Variants in INSR observed in about 807,000 individuals in gnomAD.
The protein encoded by INSR is IR.
Under a neutral mutation model 142.6 loss-of-function variants are expected in INSR, and 67 were observed. The ratio of observed to expected loss-of-function variants is 0.47; its 90% CI spans 0.39 to 0.58. The LOEUF (loss-of-function observed/expected upper bound fraction) is 0.58, where lower values mean the gene tolerates loss of function less well. Ranked by LOEUF, INSR falls within the 20% of genes least tolerant of loss-of-function variation. INSR has a pLI of 0.00. For synonymous variants in INSR, 756 were observed against 743.1 expected (o/e 1.02, Z -0.28); for missense variants, 1,248 against 1,833.2 (o/e 0.68, Z 5.83).
intron 9 of INSR, among the ~76,000 whole-genome samples, chr19:7,158,456 A>AG (rs1973668486): frequency 6.6e-6 from 1 of 152,114 alleles, no homozygotes; most frequent in Non-Finnish European, 1.5e-5. Flanking sequence ...AGCCGAGATC[A>AG]CGCCACTGAA....
intron 2 of INSR, among the ~76,000 whole-genome samples, chr19:7,244,362 G>A (rs1191112831): frequency 1.3e-5 from 2 of 151,960 alleles, no homozygotes; most frequent in South Asian, 2.1e-4. Flanking sequence ...GTGAAACCCC[G>A]TCTCTACTAA....
chr19:7,263,238 C>CT, intron 2 of INSR, among the ~76,000 whole-genome samples: 1 of 151,732 alleles, frequency 6.6e-6, no homozygotes, highest in Admixed American at 6.6e-5. Context: ...GAGATCACAC[C>CT]ACTGCCCCCC....
intron 9 of INSR, among the ~76,000 whole-genome samples, chr19:7,154,796 T>C (rs1159995724): frequency 6.6e-6 from 1 of 151,196 alleles, no homozygotes; most frequent in Non-Finnish European, 1.5e-5. Flanking sequence ...TGGTGGTGGG[T>C]GCCTGTAATC....
intron 1 of INSR, among the ~76,000 whole-genome samples, chr19:7,278,056 T>A (rs1196413737): frequency 1.3e-5 from 2 of 151,998 alleles, no homozygotes; most frequent in Non-Finnish European, 2.9e-5. Context: ...ACTGTGCCAC[T>A]ACACTCCAGC....
intron 17 of INSR, among the ~76,000 whole-genome samples, chr19:7,124,354 G>A (rs1322664221): frequency 1.6e-5 from 2 of 127,862 alleles, no homozygotes; most frequent in East Asian, 2.4e-4. Flanking sequence ...GGGTGACAGA[G>A]TGAGACTCCA....
At position 7,170,587 on chromosome 19, in the gene INSR, C is replaced by T. The variant is rs750676016; in HGVS notation, c.1433G>A (p.Arg478His). The T allele has an allele frequency of 3.9e-5, 63 of 1,613,522 alleles. No individual in the cohort carries two copies. The highest frequency in any genetic ancestry group is 7.7e-5 in the South Asian group (7 of 91,062). The part of the protein sequence containing the change: ...KMEEVSGTKG[R>H]QERNDIALKT... ...CAGGGCAATGTCGTTTCTCTCCTGGCGCCCCTTGGTTCCTGAAACTTCTTC... is the reference window on the plus strand; with the variant it reads ...CAGGGCAATGTCGTTTCTCTCCTGGTGCCCCTTGGTTCCTGAAACTTCTTC... The change falls in exon 6 of 22, where the codon CGC becomes CAC. Residue 478 changes from arginine (R) to histidine (H), a missense_variant. Around this residue, in one of 3 missense-constraint regions of INSR, gnomAD observed 1,069 missense variants for 1,654.0 expected, o/e 0.65. Coordinates refer to ENST00000302850, the MANE Select transcript of INSR (RefSeq NM_000208.4).
At chr19:7,185,856 AAAAGAGAGAGAGAGAC>A (rs1974414052) in intron 2 of INSR, among the ~76,000 whole-genome samples, 1 of 143,750 alleles carries the variant, frequency 7.0e-6, no homozygotes, top group East Asian at 2.0e-4. Flanking sequence ...AAAAAAAAAA[AAAAGAGAGAGAGAGAC>A]AAAGAGAGAG....
chr19:7,172,378 AC>A lies in INSR; in HGVS notation c.1179del (p.Tyr394IlefsTer2). The A allele has an allele frequency of 6.2e-7, 1 of 1,614,046 alleles. No individual in the cohort carries two copies. The highest frequency in any genetic ancestry group is 8.5e-7 in the Non-Finnish European group (1 of 1,179,978). On this transcript the variant is annotated frameshift_variant, in exon 5 of 22. Transcript: ENST00000302850. LOFTEE classifies it high-confidence loss of function. ...GCGTAGGATCGGCGGATTTTTAGATACCCTGAAATTTCTTCAATGAGGCCGA... is the reference window on the plus strand; with the variant it reads ...GCGTAGGATCGGCGGATTTTTAGATACCTGAAATTTCTTCAATGAGGCCGA... The part of the protein sequence containing the change: ...ANLGLIEEIS[G>X]YLKIRRSYAL...
chr19:7,214,297 TC>T (rs1362281831), intron 2 of INSR, among the ~76,000 whole-genome samples: 6 of 152,064 alleles, frequency 3.9e-5, no homozygotes, highest in Admixed American at 3.9e-4. Flanking sequence ...TAGTTCTTAT[TC>T]CCCCCTGTGC....
Position 7,142,895 on chromosome 19 carries a change from C to G in INSR, c.2463G>C (p.Glu821Asp). 6.2e-7 allele frequency: 1 copy of G among 1,614,138 alleles called. No homozygotes were observed. ...GLRHFTGYRIELQACNQDTPE... is the reference protein window; with the variant it reads ...GLRHFTGYRIDLQACNQDTPE... ...GGGTGTCCTGGTTGCAAGCCTGCAG[C>G]TCGATGCGATAGCCCGTGAAGTGTC... Residue 821 changes from glutamate (E) to aspartate (D), a missense_variant, in exon 12 of 22, where the codon GAG (glutamate) becomes GAC (aspartate). Coordinates refer to ENST00000302850, the MANE Select transcript of INSR (RefSeq NM_000208.4).
intron 3 of INSR, among the ~76,000 whole-genome samples, chr19:7,176,694 G>A (rs1400689971): frequency 6.6e-6 from 1 of 152,068 alleles, no homozygotes; most frequent in African/African-American, 2.4e-5. Flanking sequence ...TTTCCGCCAC[G>A]ATTGTAAGTT....
chr19:7,167,566 C>T (rs796438588), intron 7 of INSR, among the ~76,000 whole-genome samples: 55 of 139,986 alleles, frequency 3.9e-4, no homozygotes, highest in African/African-American at 1.3e-3. Context: ...CAGAGCAAGA[C>T]TCTGTCTCAA....
chr19:7,184,752 G>T, intron 2 of INSR, 115 bp from the exon 3 acceptor site: 1 of 784,786 alleles, frequency 1.3e-6, no homozygotes, highest in Non-Finnish European at 1.8e-6. Flanking sequence ...TTCTGGATCA[G>T]ACAGTGAAAG....
At chr19:7,270,352 C>CACACAA (rs903470604) in intron 1 of INSR, among the ~76,000 whole-genome samples, 3 of 144,640 alleles carry the variant, frequency 2.1e-5, no homozygotes, top group Non-Finnish European at 3.0e-5. Context: ...CACACACACA[C>CACACAA]ACACACACAC....
intron 2 of INSR, among the ~76,000 whole-genome samples, chr19:7,187,835 G>A (rs1974470085): frequency 6.6e-6 from 1 of 152,066 alleles, no homozygotes; most frequent in Non-Finnish European, 1.5e-5. Flanking sequence ...GCCTCCCAAA[G>A]TGCTGAGATT....
chr19:7,239,038 A>T (rs1976256517), intron 2 of INSR, among the ~76,000 whole-genome samples: 1 of 151,896 alleles, frequency 6.6e-6, no homozygotes. Context: ...TACAAAAAAA[A>T]AATTACAGAT....
At chr19:7,177,454 C>T (rs950602256) in intron 3 of INSR, among the ~76,000 whole-genome samples, 4 of 152,076 alleles carry the variant, frequency 2.6e-5, no homozygotes, top group Non-Finnish European at 2.9e-5. Flanking sequence ...GAACCAACTC[C>T]CTGAACTTTT....
chr19:7,228,684 C>T (rs1206341568), intron 2 of INSR, among the ~76,000 whole-genome samples: 2 of 152,186 alleles, frequency 1.3e-5, no homozygotes, highest in African/African-American at 4.8e-5. Flanking sequence ...GCTTTTAGAA[C>T]TAGTAAGCAT....
rs1244885579 is a variant in INSR at position 7,130,365 on chromosome 19, T to C, written c.2843-1411A>G. Among the ~76,000 whole-genome samples the C allele has an allele frequency of 5.9e-5, 9 of 152,268 alleles. No individual in the cohort carries two copies. In the East Asian group the frequency reaches 1.5e-3, roughly 26 times the overall value. ...GTGAGAGTGAGACACTGACCACACA[T>C]GGACAGAAAGAAGTGAACAGTAGAC... is the stretch of plus-strand genomic sequence containing the variant. On this transcript the variant is annotated intron_variant, in intron 14 of 21. Coordinates refer to ENST00000302850, the MANE Select transcript of INSR (RefSeq NM_000208.4).
Sources: gnomAD v4.1 joint callset for allele counts (sites outside exome capture counted in the v4.1 genomes callset) on GRCh38, gnomAD v4.1.1 for gene constraint, gnomAD v4.1.1 regional missense constraint, MANE v1.5 for transcripts, NCBI Gene and HGNC (gene_info 2026-07-23, HGNC 2026-07-21) for gene names.